Variants in PTPN3 observed in about 807,000 individuals in gnomAD.
PTPN3 encodes tyrosine-protein phosphatase non-receptor type 3.
In PTPN3, 96 loss-of-function variants were observed where a neutral mutation model predicts 132.7. That is an observed-to-expected ratio of 0.72 (90% CI 0.61 to 0.86). The LOEUF (loss-of-function observed/expected upper bound fraction) is 0.86. Ranked by LOEUF, PTPN3 falls within the 40% of genes least tolerant of loss-of-function variation. The probability of loss-of-function intolerance (pLI) is 0.00; values close to 1 mark genes in which losing one functional copy is unlikely to be tolerated. For synonymous variants in PTPN3, 398 were observed against 429.0 expected (o/e 0.93, Z 0.89); for missense variants, 1,125 against 1,159.6 (o/e 0.97, Z 0.43).
At chr9:109,412,534 C>G (rs1019466704) in intron 14 of PTPN3, among the ~76,000 whole-genome samples, 1 of 152,124 alleles carries the variant, frequency 6.6e-6, no homozygotes. Context: ...CCACCACACC[C>G]GGCTAATTTT....
intron 19 of PTPN3, among the ~76,000 whole-genome samples, chr9:109,392,020 C>T (rs550466009): frequency 6.6e-6 from 1 of 152,212 alleles, no homozygotes; most frequent in Non-Finnish European, 1.5e-5. Context: ...TCTATTTCCA[C>T]AGGAAAAACA....
intron 14 of PTPN3, among the ~76,000 whole-genome samples, chr9:109,418,987 C>T (rs528214644): frequency 4.6e-5 from 7 of 152,308 alleles, no homozygotes; most frequent in Middle Eastern, 3.4e-3. Context: ...GCTCTAGTCA[C>T]GCATGCCTGC....
the PTPN3 span, among the ~76,000 whole-genome samples, chr9:109,509,074 G>A: frequency 6.6e-6 from 1 of 152,110 alleles, no homozygotes; most frequent in African/African-American, 2.4e-5. Context: ...ACATTCTTTT[G>A]TTGTCCACCT....
In PTPN3 at chr9:109,457,403, G is replaced by A; in HGVS notation, c.139-4C>T. 1 of 1,600,512 alleles carries A rather than the reference G, an allele frequency of 6.2e-7. No homozygotes were observed. On this transcript the variant is annotated splice_polypyrimidine_tract_variant and splice_region_variant and intron_variant, in intron 2 of 25. Transcript: ENST00000374541. ...GAACCTGGCCAGTGTCTTGTTTCTAGAACAAAGGAAATTATCAAGTGGGAA... is the reference window on the plus strand; with the variant it reads ...GAACCTGGCCAGTGTCTTGTTTCTAAAACAAAGGAAATTATCAAGTGGGAA...
the PTPN3 span, among the ~76,000 whole-genome samples, chr9:109,518,374 G>A: frequency 6.6e-6 from 1 of 152,168 alleles, no homozygotes; most frequent in Non-Finnish European, 1.5e-5. Flanking sequence ...AGGGCCCCTG[G>A]TGTGGCTGCA....
intron 7 of PTPN3, among the ~76,000 whole-genome samples, chr9:109,443,986 T>C (rs1844672991): frequency 6.6e-6 from 1 of 152,146 alleles, no homozygotes; most frequent in African/African-American, 2.4e-5. Context: ...TGTTCTTTCC[T>C]GGTAGGGAAA....
chr9:109,427,980 C>A (rs988827193), intron 11 of PTPN3, among the ~76,000 whole-genome samples: 1 of 152,210 alleles, frequency 6.6e-6, no homozygotes, highest in African/African-American at 2.4e-5. Context: ...CTAAGTTCTA[C>A]ATCTCTGTAT....
chr9:109,508,545 G>A, the PTPN3 span, among the ~76,000 whole-genome samples: 1 of 152,152 alleles, frequency 6.6e-6, no homozygotes, highest in Non-Finnish European at 1.5e-5. Flanking sequence ...AGATCTTCCT[G>A]AAGCCATTTA....
intron 1 of PTPN3, among the ~76,000 whole-genome samples, chr9:109,480,566 A>G (rs1846910313): frequency 1.3e-5 from 2 of 152,102 alleles, no homozygotes; most frequent in Admixed American, 1.3e-4. Flanking sequence ...TTCTTTTGTT[A>G]CTTGCATTTT....
At chr9:109,512,315 G>A in the PTPN3 span, among the ~76,000 whole-genome samples, 1 of 152,166 alleles carries the variant, frequency 6.6e-6, no homozygotes, top group African/African-American at 2.4e-5. Flanking sequence ...GGTGCAGCTG[G>A]TGCAGCTGGT....
At chr9:109,534,241 G>A in the PTPN3 span, 4 of 1,476,068 alleles carry the variant, frequency 2.7e-6, no homozygotes, top group South Asian at 3.5e-5. Flanking sequence ...GCCGCTGCCC[G>A]TAGTGCCGGG....
At chr9:109,491,472 C>T (rs980002811) in intron 1 of PTPN3, among the ~76,000 whole-genome samples, 1 of 151,766 alleles carries the variant, frequency 6.6e-6, no homozygotes, top group African/African-American at 2.4e-5. Context: ...TTTATTCTTA[C>T]AACCTTCCTA....
chr9:109,484,075 C>T (rs1249919400), intron 1 of PTPN3, among the ~76,000 whole-genome samples: 2 of 152,204 alleles, frequency 1.3e-5, no homozygotes, highest in African/African-American at 4.8e-5. Context: ...CTTTTGGTGC[C>T]TTTGACATCT....
rs576123560 is a variant in PTPN3 at position 109,409,763 on chromosome 9, G to A, written c.1578+236C>T. Among the ~76,000 whole-genome samples the A allele has an allele frequency of 2.6e-5, 4 of 152,068 alleles. No homozygotes were observed. In the East Asian group the frequency reaches 5.8e-4, roughly 22 times the overall value. On this transcript the variant is annotated intron_variant, in intron 16 of 25. Transcript: ENST00000374541. ...GGAGGTCAGCGCTGCAGTGAGCTGC[G>A]ATCGTGCCACTGCACTCTAGGTTTG...
chr9:109,479,534 C>T (rs140126100), intron 1 of PTPN3, among the ~76,000 whole-genome samples: 7 of 152,302 alleles, frequency 4.6e-5, no homozygotes, highest in African/African-American at 9.6e-5. Flanking sequence ...CAGGTATATA[C>T]GTAGGAGTAG....
intron 1 of PTPN3, among the ~76,000 whole-genome samples, chr9:109,467,098 C>G (rs569510907): frequency 6.6e-6 from 1 of 152,150 alleles, no homozygotes; most frequent in Non-Finnish European, 1.5e-5. Context: ...CCACCACCTC[C>G]GCCTTGCCCT....
At chr9:109,389,472 T>C (rs949432721) in intron 21 of PTPN3, 93 bp from the exon 22 acceptor site, 1 of 1,282,446 alleles carries the variant, frequency 7.8e-7, no homozygotes, top group Admixed American at 2.6e-5. Context: ...TAATTGATAT[T>C]GCACCAGAAA....
At chr9:109,455,307 GAGA>G (rs372582595) in intron 4 of PTPN3, among the ~76,000 whole-genome samples, 1 of 152,284 alleles carries the variant, frequency 6.6e-6, no homozygotes, top group African/African-American at 2.4e-5. Flanking sequence ...ACGGCAACAG[GAGA>G]AGATCAGATT....
chr9:109,391,104 G>T, intron 21 of PTPN3, 34 bp downstream of exon 21: 1 of 1,584,754 alleles, frequency 6.3e-7, no homozygotes, highest in Non-Finnish European at 8.7e-7. Flanking sequence ...AGTGGTGAAT[G>T]TGCTCTTAAG....
Sources: gnomAD v4.1 joint callset for allele counts (sites outside exome capture counted in the v4.1 genomes callset) on GRCh38, gnomAD v4.1.1 for gene constraint, MANE v1.5 for transcripts, NCBI Gene and HGNC (gene_info 2026-07-23, HGNC 2026-07-21) for gene names.